Variants in CEP295 observed in about 807,000 individuals in gnomAD.
CEP295 encodes the protein centrosomal protein 295.
In CEP295, 190 loss-of-function variants were observed where a neutral mutation model predicts 291.6. The ratio of observed to expected loss-of-function variants is 0.65; its 90% confidence interval spans 0.58 to 0.73. CEP295 has a LOEUF of 0.73. Among genes scored for constraint, CEP295 ranks in the 30% least tolerant of loss-of-function variants. The pLI is 0.00. For missense variants in CEP295, 2,863 were observed against 2,949.4 expected (o/e 0.97, Z 0.68); for synonymous variants, 993 against 1,038.8 (o/e 0.96, Z 0.85).
chr11:93,664,334 G>C (rs11020471), intron 1 of CEP295, among the ~76,000 whole-genome samples: 5,770 of 152,244 alleles, frequency 0.038, 251 homozygotes, highest in African/African-American at 0.1. Flanking sequence ...GAGCCATTTG[G>C]AATAAGGAAA....
At chr11:93,703,767 CT>C (rs748490554) in intron 17 of CEP295, among the ~76,000 whole-genome samples, 1,919 of 127,884 alleles carry the variant, frequency 0.015, 18 homozygotes, top group African/African-American at 0.05. Context: ...CCCTGTAATT[CT>C]TTTTTTTTTT....
intron 1 of CEP295, among the ~76,000 whole-genome samples, chr11:93,663,047 C>T (rs1445800539): frequency 6.6e-6 from 1 of 152,176 alleles, no homozygotes; most frequent in African/African-American, 2.4e-5. Flanking sequence ...ATGACAGGGT[C>T]TTGAAAAGAC....
chr11:93,690,362 C>T (rs1951461840), intron 10 of CEP295, among the ~76,000 whole-genome samples: 1 of 152,166 alleles, frequency 6.6e-6, no homozygotes, highest in Admixed American at 6.5e-5. Flanking sequence ...TGAGACCATC[C>T]TGGCTAACAT....
intron 23 of CEP295, chr11:93,726,532 C>G (rs1954155772): frequency 6.5e-6 from 1 of 153,386 alleles, no homozygotes; most frequent in Non-Finnish European, 1.4e-5. Context: ...CCCAGGAGTT[C>G]AAGACCAGCC....
Position 93,699,109 on chromosome 11 carries a change from A to G in CEP295, c.4197A>G (p.Leu1399=). 6.5e-7 allele frequency: 1 copy of G among 1,549,212 alleles called. No individual in the cohort carries two copies. The highest frequency in any genetic ancestry group is 8.7e-7 in the Non-Finnish European group (1 of 1,147,096). ...AGGTTGACACCTCTTCCTTACCCCTAGTACCACAGCATTCATTCGCCTCAT... is the reference window on the plus strand; with the variant it reads ...AGGTTGACACCTCTTCCTTACCCCTGGTACCACAGCATTCATTCGCCTCAT... ...PEQVDTSSLP[L]VPQHSFASLP... is the part of the protein sequence containing the mutation. Residue 1399 remains leucine, a synonymous_variant, in exon 15 of 30, where the codon CTA becomes CTG. Coordinates refer to ENST00000325212, the MANE Select transcript of CEP295 (RefSeq NM_033395.2).
At position 93,665,407 on chromosome 11, in the gene CEP295, C is replaced by A. The variant is rs74840919; in HGVS notation, c.-26-1275C>A. 1.8e-3 allele frequency among the ~76,000 whole-genome samples: 276 copies of A among 152,216 alleles called. 9 individuals are homozygous for A. In the East Asian group the frequency reaches 0.051, roughly 28 times the overall value. On this transcript the variant is annotated intron_variant, in intron 1 of 29. Coordinates refer to ENST00000325212, the MANE Select transcript of CEP295 (RefSeq NM_033395.2). ...AGAGAGAACACAGTGTGAACGGTAG[C>A]AACAGAAGAATAGATCTGGGCCGGG...
In CEP295 at chr11:93,725,638, T is replaced by G. The variant is rs189414553; in HGVS notation, c.6319-13T>G. The stretch of plus-strand genomic sequence containing the variant: ...AATCAGTATTTCAGCCTTTCCCTTT[T>G]GTTTCCTGCCAGAGATCAGATTCTT... On this transcript the variant is annotated splice_polypyrimidine_tract_variant and intron_variant, in intron 22 of 29. Transcript: ENST00000325212. The G allele has an allele frequency of 1.8e-3, 2,786 of 1,529,890 alleles. 5 individuals carry two copies. The highest frequency in any genetic ancestry group is 2.2e-3 in the Non-Finnish European group (2,511 of 1,139,436). The allele number at this position is 1,529,890 out of a possible 1,614,324, so 94.8% of individuals were successfully genotyped here. A position where few individuals can be genotyped will look rare whatever the true frequency, so the allele number is the denominator to read the frequency against.
Position 93,683,549 on chromosome 11 carries a change from A to C in CEP295, c.766-10A>C. ...GACTCAGTTTTTGTTAATTCTCTTT[A>C]TTCTTGAAGAATCAGGAGAAACTAA... On this transcript the variant is annotated splice_polypyrimidine_tract_variant and intron_variant, in intron 7 of 29. Transcript: ENST00000325212. 1 of 1,492,898 alleles carries C rather than the reference A, an allele frequency of 6.7e-7. No homozygotes were observed. 92.5% of individuals were successfully genotyped at this position (1,492,898 alleles called of 1,614,324 possible).
chr11:93,676,364 G>A (rs1372581405), intron 6 of CEP295, among the ~76,000 whole-genome samples: 2 of 151,878 alleles, frequency 1.3e-5, no homozygotes, highest in African/African-American at 4.8e-5. Context: ...AGTCTTAAGA[G>A]TAACAAATGA....
At chr11:93,683,517 A>C (rs1180213407) in intron 7 of CEP295, 42 bp from the exon 8 acceptor site, 2 of 1,402,226 alleles carry the variant, frequency 1.4e-6, no homozygotes, top group East Asian at 5.2e-5. Flanking sequence ...TACCATACAA[A>C]GTTTGTGACT....
chr11:93,729,365 TCTGAC>T, intron 25 of CEP295, 64 bp from the exon 26 acceptor site: 1 of 1,071,240 alleles, frequency 9.3e-7, no homozygotes, highest in Non-Finnish European at 1.4e-6. Context: ...TGCACTCTAA[TCTGAC>T]AGCAGAGCAA....
At chr11:93,700,600 AT>A (rs796493911) in intron 15 of CEP295, among the ~76,000 whole-genome samples, 1,657 of 138,506 alleles carry the variant, frequency 0.012, 27 homozygotes, top group East Asian at 0.057. Context: ...TAAATTTTGT[AT>A]TTTTTTTTTT....
At chr11:93,710,095 C>G (rs762307282) in intron 18 of CEP295, among the ~76,000 whole-genome samples, 2 of 152,146 alleles carry the variant, frequency 1.3e-5, no homozygotes, top group Admixed American at 6.5e-5. Context: ...TGACTTCTTC[C>G]TTTCCAACTT....
chr11:93,687,697 T>G lies in CEP295; in HGVS notation c.1168T>G (p.Leu390Val). 1 of 1,545,294 alleles carries G rather than the reference T, an allele frequency of 6.5e-7. No individual in the cohort carries two copies. Among genetic ancestry groups the G allele is most frequent in the Non-Finnish European group, 8.8e-7 (1 of 1,142,570 alleles). The change falls in exon 10 of 30, where the codon TTA (leucine) becomes GTA (valine). Residue 390 changes from leucine to valine, a missense_variant. By Grantham distance (32) the Leu-to-Val change is conservative (BLOSUM62 1). Coordinates refer to ENST00000325212, the MANE Select transcript of CEP295 (RefSeq NM_033395.2). ...TCCTTCAAAAGTTCTTTTTAAAAAA[T>G]TATTAAATAAGATCCGAAGCCAAAA... Reference protein sequence around the residue: ...QIPSKVLFKKLLNKIRSQKSL... With the variant: ...QIPSKVLFKKVLNKIRSQKSL...
rs970742734 is a variant in CEP295, at chr11:93,699,884, C to T, written c.4972C>T (p.Leu1658=). 5 of 1,551,874 alleles carry T rather than the reference C, an allele frequency of 3.2e-6. No homozygotes were observed. In the African/African-American group the frequency reaches 4.1e-5, roughly 13 times the overall value. The change falls in exon 15 of 30, where the codon CTA becomes TTA. Residue 1658 remains leucine, a synonymous_variant. Coordinates refer to ENST00000325212, the MANE Select transcript of CEP295 (RefSeq NM_033395.2). Reference sequence around the variant, plus strand: ...GGAAACAGAGCATTCGTTTATTCCACTACCTTTTGCAGAAGCTAAACCTAA... The same window carrying T: ...GGAAACAGAGCATTCGTTTATTCCATTACCTTTTGCAGAAGCTAAACCTAA... ...PKETEHSFIP[L]PFAEAKPKST...
intron 13 of CEP295, 89 bp from the exon 14 acceptor site, chr11:93,696,231 G>A: frequency 1.4e-6 from 1 of 698,958 alleles, no homozygotes; most frequent in Non-Finnish European, 2.4e-6. Context: ...AAGCTGTATG[G>A]AAGTTTACAA....
intron 9 of CEP295, among the ~76,000 whole-genome samples, chr11:93,684,410 T>A (rs1172940991): frequency 6.6e-6 from 1 of 152,194 alleles, no homozygotes; most frequent in East Asian, 1.9e-4. Flanking sequence ...GGTTGCATGG[T>A]AAACATATCT....
Position 93,664,851 on chromosome 11 carries a change from G to C in CEP295, c.-26-1831G>C, listed in dbSNP as rs564575035. 1.3e-3 allele frequency among the ~76,000 whole-genome samples: 198 copies of C among 152,114 alleles called. 1 individual carries two copies. Among genetic ancestry groups the C allele is most frequent in the African/African-American group, 4.5e-3 (187 of 41,468 alleles). ...TCCATAGTATGTGAAATATTACCTG[G>C]TAGTTATTTATTAAATTTAATTGAA... is the stretch of plus-strand genomic sequence containing the variant. On this transcript the variant is annotated intron_variant, in intron 1 of 29. Transcript: ENST00000325212.
chr11:93,698,696 G>A lies in CEP295; in HGVS notation c.3784G>A (p.Ala1262Thr). The stretch of plus-strand genomic sequence containing the variant: ...ACAAGATAATTTGGAGGAACACCAA[G>A]CATGGCTAGACACTGAGAAAGAAGC... ...PLQDNLEEHQ[A>T]WLDTEKEAFH... Residue 1262 changes from alanine (A) to threonine (T), a missense_variant, in exon 15 of 30, where the codon GCA (alanine) becomes ACA (threonine). Physicochemically the swap from Ala to Thr is moderately conservative, Grantham distance 58. Coordinates refer to ENST00000325212, the MANE Select transcript of CEP295 (RefSeq NM_033395.2). 1 of 1,551,108 alleles carries A rather than the reference G, an allele frequency of 6.4e-7. No individual in the cohort carries two copies. Among genetic ancestry groups the A allele is most frequent in the Non-Finnish European group, 8.7e-7 (1 of 1,147,062 alleles).
Sources: gnomAD v4.1 joint callset for allele counts (sites outside exome capture counted in the v4.1 genomes callset) on GRCh38, gnomAD v4.1.1 for gene constraint, MANE v1.5 for transcripts, NCBI Gene and HGNC (gene_info 2026-07-23, HGNC 2026-07-21) for gene names.